CA10: variants seen among roughly 807,000 people sequenced by gnomAD.
The protein encoded by CA10 is carbonic anhydrase 10 (inactive), also known as carbonic anhydrase-related protein 10.
A neutral mutation model predicts 44.2 loss-of-function variants in CA10; 14 were observed. That is an observed-to-expected ratio of 0.32 (90% CI 0.21 to 0.50). The LOEUF is 0.50. Ranked by LOEUF, CA10 falls within the 20% of genes least tolerant of loss-of-function variation. CA10 has a pLI of 0.99. For missense variants in CA10, 350 were observed against 409.7 expected, an observed-to-expected ratio of 0.85 and a Z score of 1.26; for synonymous variants, 159 against 141.6, an observed-to-expected ratio of 1.12 and a Z score of -0.87.
At chr17:51,636,468 G>T (rs760459407) in intron 6 of CA10, among the ~76,000 whole-genome samples, 6 of 152,182 alleles carry the variant, frequency 3.9e-5, no homozygotes, top group Non-Finnish European at 5.9e-5. Context: ...CATGGTTAAG[G>T]CTGATGTTGG....
chr17:52,113,436 G>A (rs1988828598), intron 1 of CA10, among the ~76,000 whole-genome samples: 1 of 152,126 alleles, frequency 6.6e-6, no homozygotes, highest in African/African-American at 2.4e-5. Flanking sequence ...ATATGCATAA[G>A]GCATTGCCCT....
intron 3 of CA10, among the ~76,000 whole-genome samples, chr17:51,835,712 C>T (rs931761935): frequency 1.7e-4 from 26 of 152,342 alleles, no homozygotes; most frequent in Middle Eastern, 3.4e-3. Flanking sequence ...TGCCTCCAGG[C>T]AGTGCTCTAA....
chr17:51,677,892 C>T (rs991020750), intron 4 of CA10, among the ~76,000 whole-genome samples: 3 of 143,648 alleles, frequency 2.1e-5, no homozygotes, highest in African/African-American at 4.9e-5. Flanking sequence ...TACACCCCCC[C>T]CCCCACCGGC....
At chr17:51,878,628 C>T (rs190702590) in intron 3 of CA10, among the ~76,000 whole-genome samples, 1 of 151,772 alleles carries the variant, frequency 6.6e-6, no homozygotes, top group Admixed American at 6.6e-5. Flanking sequence ...CTATAAAAAT[C>T]TTTGATCCAT....
At chr17:51,824,801 T>A (rs1205653638) in intron 3 of CA10, among the ~76,000 whole-genome samples, 2 of 152,250 alleles carry the variant, frequency 1.3e-5, no homozygotes, top group Non-Finnish European at 2.9e-5. Context: ...GTGTGTTTTA[T>A]CTATATTCTT....
At chr17:52,139,201 T>G (rs1989424032) in intron 1 of CA10, among the ~76,000 whole-genome samples, 2 of 152,180 alleles carry the variant, frequency 1.3e-5, no homozygotes, top group Non-Finnish European at 2.9e-5. Context: ...ATTCTGTTTG[T>G]GAAGGAACAG....
At chr17:51,766,473 C>A (rs1052747867) in intron 3 of CA10, among the ~76,000 whole-genome samples, 1 of 152,096 alleles carries the variant, frequency 6.6e-6, no homozygotes, top group African/African-American at 2.4e-5. Flanking sequence ...AGGACAGCTC[C>A]TGGGGTCAGG....
chr17:51,738,093 A>G (rs1916972361), intron 4 of CA10, among the ~76,000 whole-genome samples: 1 of 152,208 alleles, frequency 6.6e-6, no homozygotes, highest in African/African-American at 2.4e-5. Context: ...TGATGCAAAA[A>G]ATTAATGGAA....
At chr17:52,116,490 G>A (rs994051726) in intron 1 of CA10, among the ~76,000 whole-genome samples, 2 of 152,068 alleles carry the variant, frequency 1.3e-5, no homozygotes, top group Non-Finnish European at 1.5e-5. Context: ...CCTCCCTCAG[G>A]CCCCCCTATT....
intron 2 of CA10, among the ~76,000 whole-genome samples, chr17:52,060,585 A>G (rs191857890): frequency 4.4e-4 from 67 of 152,304 alleles, no homozygotes; most frequent in Non-Finnish European, 1.0e-4. Context: ...ATTTTGAAAG[A>G]TGACACCTGG....
intron 6 of CA10, among the ~76,000 whole-genome samples, chr17:51,639,539 C>T (rs901765835): frequency 6.6e-6 from 1 of 152,134 alleles, no homozygotes; most frequent in Non-Finnish European, 1.5e-5. Context: ...GCTGATACCC[C>T]AGACTCCATC....
At chr17:51,805,949 T>C (rs899415535) in intron 3 of CA10, among the ~76,000 whole-genome samples, 3 of 151,860 alleles carry the variant, frequency 2.0e-5, no homozygotes, top group Non-Finnish European at 4.4e-5. Context: ...GTGCAAACAG[T>C]GTGTAGAAGA....
chr17:51,825,735 C>G (rs921558307), intron 3 of CA10, among the ~76,000 whole-genome samples: 1 of 152,184 alleles, frequency 6.6e-6, no homozygotes, highest in Non-Finnish European at 1.5e-5. Context: ...TTTTGCTCAT[C>G]CTAACCTTTG....
intron 3 of CA10, among the ~76,000 whole-genome samples, chr17:51,822,197 G>C (rs960569112): frequency 2.6e-5 from 4 of 152,094 alleles, no homozygotes; most frequent in Non-Finnish European, 5.9e-5. Context: ...GCTGAGGCAG[G>C]CAGATCACCT....
chr17:51,890,913 G>A (rs1378053611), intron 3 of CA10, among the ~76,000 whole-genome samples: 1 of 152,172 alleles, frequency 6.6e-6, no homozygotes, highest in Non-Finnish European at 1.5e-5. Flanking sequence ...GTGCACAGCA[G>A]ACAGCCCGGA....
chr17:52,056,915 T>C (rs1273172439), intron 2 of CA10, among the ~76,000 whole-genome samples: 1 of 152,094 alleles, frequency 6.6e-6, no homozygotes, highest in Non-Finnish European at 1.5e-5. Context: ...TTTACAATCA[T>C]AGTGCTATTG....
At chr17:52,155,225 G>A (rs1989780845) in intron 1 of CA10, among the ~76,000 whole-genome samples, 2 of 152,104 alleles carry the variant, frequency 1.3e-5, no homozygotes, top group African/African-American at 4.8e-5. Flanking sequence ...CCCACTTAGT[G>A]GTCAGGAAAA....
At chr17:52,135,047 C>T (rs753518993) in intron 1 of CA10, 62 of 490,510 alleles carry the variant, frequency 1.3e-4, no homozygotes, top group Non-Finnish European at 2.1e-4. Context: ...CTCCTGAGGT[C>T]GCCTGTGAGA....
intron 2 of CA10, among the ~76,000 whole-genome samples, chr17:52,057,709 T>TC (rs1271856743): frequency 1.3e-5 from 2 of 152,140 alleles, no homozygotes; most frequent in African/African-American, 2.4e-5. Context: ...AAAAGGTTTT[T>TC]CGAAGTGGAG....
Sources: allele counts gnomAD v4.1 joint callset (sites outside exome capture counted in the v4.1 genomes callset), GRCh38; gene constraint gnomAD v4.1.1; transcripts MANE v1.5; gene names NCBI Gene and HGNC (gene_info 2026-07-23, HGNC 2026-07-21).